IL1RAPL1: variants seen among roughly 807,000 people sequenced by gnomAD.
IL1RAPL1 encodes interleukin 1 receptor accessory protein like 1.
In IL1RAPL1, 3 loss-of-function variants were observed where a neutral mutation model predicts 48.4. The observed-to-expected ratio is 0.06, with a 90% CI of 0.03 to 0.16. IL1RAPL1 has a LOEUF of 0.16. Ranked by LOEUF, IL1RAPL1 falls within the 10% of genes least tolerant of loss-of-function variation. The probability of loss-of-function intolerance (pLI) is 1.00; values close to 1 mark genes in which losing one functional copy is unlikely to be tolerated. For synonymous variants in IL1RAPL1, 185 were observed against 187.7 expected (o/e 0.99, Z 0.12); for missense variants, 349 against 530.6 (o/e 0.66, Z 3.36).
intron 6 of IL1RAPL1, among the ~76,000 whole-genome samples, chrX:29,902,824 TGTA>T (rs1247399379): frequency 9.0e-6 from 1 of 111,604 alleles, no homozygotes; most frequent in Non-Finnish European, 1.9e-5. Context: ...TATATAGTAA[TGTA>T]GTATAAAATC....
At chrX:29,065,878 T>C (rs1455849841) in intron 2 of IL1RAPL1, among the ~76,000 whole-genome samples, 2 of 112,287 alleles carry the variant, frequency 1.8e-5, no homozygotes, top group Non-Finnish European at 3.8e-5. Flanking sequence ...TTTTAAATAA[T>C]TTCTGCTTCT....
At chrX:28,793,647 A>T (rs1214533605) in intron 2 of IL1RAPL1, among the ~76,000 whole-genome samples, 1 of 111,320 alleles carries the variant, frequency 9.0e-6, no homozygotes, top group Non-Finnish European at 1.9e-5. Context: ...CTGCAGTAAG[A>T]TTTGGGAGCA....
At chrX:29,946,368 A>G (rs1933213338) in intron 9 of IL1RAPL1, among the ~76,000 whole-genome samples, 1 of 111,976 alleles carries the variant, frequency 8.9e-6, no homozygotes, top group South Asian at 3.7e-4. Context: ...GCAGAGTTCT[A>G]GTTAGAATAA....
At chrX:29,273,373 C>A (rs969282246) in intron 2 of IL1RAPL1, among the ~76,000 whole-genome samples, 1 of 111,268 alleles carries the variant, frequency 9.0e-6, no homozygotes, top group Non-Finnish European at 1.9e-5. Context: ...TTCAACTGGC[C>A]TCTTTTCTGG....
chrX:29,721,948 G>A (rs912140090), intron 6 of IL1RAPL1, among the ~76,000 whole-genome samples: 1 of 112,035 alleles, frequency 8.9e-6, no homozygotes, highest in African/African-American at 3.2e-5. Flanking sequence ...ACTTTCAGTT[G>A]TTTCAAAATG....
intron 2 of IL1RAPL1, among the ~76,000 whole-genome samples, chrX:29,227,984 T>C (rs1181259609): frequency 2.7e-5 from 3 of 110,938 alleles, no homozygotes; most frequent in Non-Finnish European, 5.7e-5. Context: ...ACTTAAAAAA[T>C]ATATTTTATT....
At chrX:29,451,361 AT>A (rs1207144725) in intron 5 of IL1RAPL1, among the ~76,000 whole-genome samples, 1 of 108,405 alleles carries the variant, frequency 9.2e-6, no homozygotes, top group Non-Finnish European at 1.9e-5. Flanking sequence ...TGCCTGGCTA[AT>A]TTTTTTATTT....
At chrX:29,311,543 CA>C (rs1932724384) in intron 3 of IL1RAPL1, among the ~76,000 whole-genome samples, 1 of 111,742 alleles carries the variant, frequency 8.9e-6, no homozygotes, top group South Asian at 3.7e-4. Flanking sequence ...CTGTTCAATA[CA>C]ATAGTCAATA....
rs73545809 is a variant in IL1RAPL1 at position 28,605,242 on chromosome X, A to G, written c.-25+17195A>G. Among the ~76,000 whole-genome samples, 474 of 112,319 alleles carry G rather than the reference A, an allele frequency of 4.2e-3. 1 individual carries two copies. The highest frequency in any genetic ancestry group is 0.014 in the African/African-American group (426 of 30,955). ...ACTTTTCTGATTTCCAAACACATAT[A>G]TCTAACCACTTATTTGACATCATCA... On this transcript the variant is annotated intron_variant, in intron 1 of 10. Coordinates refer to ENST00000378993, the MANE Select transcript of IL1RAPL1 (RefSeq NM_014271.4).
At chrX:28,591,684 C>T (rs1264899296) in intron 1 of IL1RAPL1, among the ~76,000 whole-genome samples, 8 of 110,893 alleles carry the variant, frequency 7.2e-5, no homozygotes, top group Non-Finnish European at 1.1e-4. Flanking sequence ...TTAGGTTTAT[C>T]GGGAATCTCA....
chrX:29,653,049 C>G (rs141901299), intron 5 of IL1RAPL1, among the ~76,000 whole-genome samples: 4 of 111,683 alleles, frequency 3.6e-5, no homozygotes, highest in African/African-American at 1.3e-4. Flanking sequence ...CATGTAATTC[C>G]ATTTCTTGTT....
intron 6 of IL1RAPL1, among the ~76,000 whole-genome samples, chrX:29,765,102 T>C (rs986178842): frequency 1.8e-5 from 2 of 112,587 alleles, no homozygotes; most frequent in African/African-American, 6.4e-5. Context: ...TAATTCATTA[T>C]AGTCTTTGTT....
At chrX:28,667,170 A>C (rs1934889780) in intron 1 of IL1RAPL1, among the ~76,000 whole-genome samples, 1 of 111,954 alleles carries the variant, frequency 8.9e-6, no homozygotes, top group Admixed American at 9.4e-5. Flanking sequence ...TGGGCTGTGA[A>C]TTACCTTAAA....
At chrX:28,921,437 G>A (rs1410447604) in intron 2 of IL1RAPL1, among the ~76,000 whole-genome samples, 1 of 111,743 alleles carries the variant, frequency 8.9e-6, no homozygotes, top group Non-Finnish European at 1.9e-5. Flanking sequence ...ACTCAAAAAT[G>A]TTTCAAATTA....
At chrX:29,106,867 TG>T (rs1187958650) in intron 2 of IL1RAPL1, among the ~76,000 whole-genome samples, 1 of 111,392 alleles carries the variant, frequency 9.0e-6, no homozygotes, top group African/African-American at 3.3e-5. Context: ...TTTGATTTTT[TG>T]TTTGTTTGTT....
chrX:29,765,991 C>T (rs185868301), intron 6 of IL1RAPL1, among the ~76,000 whole-genome samples: 1 of 110,211 alleles, frequency 9.1e-6, no homozygotes, highest in East Asian at 2.8e-4. Context: ...AACCAGAAAC[C>T]ACCTGTACCT....
intron 2 of IL1RAPL1, among the ~76,000 whole-genome samples, chrX:29,149,205 T>A (rs988773595): frequency 9.0e-6 from 1 of 110,902 alleles, no homozygotes; most frequent in African/African-American, 3.3e-5. Context: ...TACTCTGCTT[T>A]ATTACATCAG....
intron 1 of IL1RAPL1, among the ~76,000 whole-genome samples, chrX:28,669,178 C>CTTAGG (rs913760974): frequency 9.0e-6 from 1 of 111,347 alleles, no homozygotes; most frequent in Non-Finnish European, 1.9e-5. Context: ...CAAACTGTCT[C>CTTAGG]TTAGGTGCTA....
At chrX:29,196,722 G>T (rs1045251611) in intron 2 of IL1RAPL1, among the ~76,000 whole-genome samples, 9 of 110,182 alleles carry the variant, frequency 8.2e-5, no homozygotes, top group Non-Finnish European at 1.3e-4. Context: ...ACACTTGCTT[G>T]ACTGAGCCAT....
Sources: gnomAD v4.1 joint callset for allele counts (sites outside exome capture counted in the v4.1 genomes callset) on GRCh38, gnomAD v4.1.1 for gene constraint, MANE v1.5 for transcripts, NCBI Gene and HGNC (gene_info 2026-07-23, HGNC 2026-07-21) for gene names.